USP32: variants seen among roughly 807,000 people sequenced by gnomAD.
USP32 encodes ubiquitin specific peptidase 32.
Under a neutral mutation model 204.8 loss-of-function variants are expected in USP32, and 59 were observed. That is an observed-to-expected ratio of 0.29 (90% CI 0.23 to 0.36). The LOEUF (loss-of-function observed/expected upper bound fraction) is 0.36. USP32 is among the 10% of genes least tolerant of loss of function. The pLI, the probability that USP32 is intolerant of heterozygous loss-of-function variation, is 1.00. For synonymous variants in USP32, 517 were observed against 678.4 expected (o/e 0.76, Z 3.70); for missense variants, 1,160 against 1,946.4 (o/e 0.60, Z 7.60).
At chr17:60,222,599 T>A (rs1309500260) in intron 14 of USP32, 50 bp from the exon 15 acceptor site, 1 of 1,593,796 alleles carries the variant, frequency 6.3e-7, no homozygotes, top group African/African-American at 1.3e-5. Context: ...ACAAAAGTTT[T>A]TGGGTCTCAG....
intron 16 of USP32, 69 bp downstream of exon 16, chr17:60,219,601 G>C (rs547064325): frequency 6.3e-5 from 38 of 601,230 alleles, no homozygotes; most frequent in Admixed American, 2.4e-4. Flanking sequence ...GGAAATGCAT[G>C]GTATTCTTGC....
intron 3 of USP32, among the ~76,000 whole-genome samples, chr17:60,298,411 A>T (rs2087493164): frequency 6.6e-6 from 1 of 152,090 alleles, no homozygotes; most frequent in African/African-American, 2.4e-5. Flanking sequence ...AGATATCATA[A>T]TTTTTTTCAG....
chr17:60,229,382 C>T lies in USP32; in HGVS notation c.1240-3151G>A, dbSNP rs183425927. Among the ~76,000 whole-genome samples, 6 of 152,294 alleles carry T rather than the reference C, an allele frequency of 3.9e-5. No individual in the cohort carries two copies. In the East Asian group the frequency reaches 1.2e-3, roughly 29 times the overall value. ...TAAAGTTCTCTATGTGATCTCACTA[C>T]ATATGCAGCCAGAATTAATAACTAT... On this transcript the variant is annotated intron_variant, in intron 12 of 33. Coordinates refer to ENST00000300896, the MANE Select transcript of USP32 (RefSeq NM_032582.4).
chr17:60,392,114 C>T lies in USP32; in HGVS notation c.-175G>A. 1 of 615,064 alleles carries T rather than the reference C, an allele frequency of 1.6e-6. No homozygotes were observed. The highest frequency in any genetic ancestry group is 2.8e-6 in the Non-Finnish European group (1 of 362,556). The allele number at this position is 615,064 out of a possible 1,614,324, so 38.1% of individuals were successfully genotyped here. A position where few individuals can be genotyped will look rare whatever the true frequency, so the allele number is the denominator to read the frequency against. ...GGCGGCTCCTCCCGGTCGCCGCCACCGCCTCCATGCCGGATCACGTGACTC... is the reference window on the plus strand; with the variant it reads ...GGCGGCTCCTCCCGGTCGCCGCCACTGCCTCCATGCCGGATCACGTGACTC... On this transcript the variant is annotated 5_prime_UTR_variant, in exon 1 of 34. Coordinates refer to ENST00000300896, the MANE Select transcript of USP32 (RefSeq NM_032582.4).
At chr17:60,280,029 T>C (rs1335186537) in intron 5 of USP32, among the ~76,000 whole-genome samples, 3 of 151,988 alleles carry the variant, frequency 2.0e-5, no homozygotes, top group Non-Finnish European at 4.4e-5. Context: ...GTTTGGAATT[T>C]ACACTTCAGA....
At chr17:60,213,052 C>A (rs1221546266) in intron 18 of USP32, among the ~76,000 whole-genome samples, 1 of 152,172 alleles carries the variant, frequency 6.6e-6, no homozygotes, top group Non-Finnish European at 1.5e-5. Flanking sequence ...TGCGCCCGGC[C>A]TATTCATTTT....
intron 4 of USP32, 39 bp downstream of exon 4, chr17:60,294,644 G>T: frequency 7.4e-7 from 1 of 1,358,534 alleles, no homozygotes; most frequent in Non-Finnish European, 1.0e-6. Flanking sequence ...TTAATACTTT[G>T]TCAATGAAAA....
intron 3 of USP32, 148 bp downstream of exon 3, chr17:60,301,451 T>C: frequency 1.9e-6 from 1 of 521,166 alleles, no homozygotes; most frequent in East Asian, 3.6e-5. Context: ...AATGACTAAT[T>C]ATGTTGCACA....
At chr17:60,247,735 G>A (rs1198465597) in intron 11 of USP32, among the ~76,000 whole-genome samples, 1 of 151,970 alleles carries the variant, frequency 6.6e-6, no homozygotes, top group Non-Finnish European at 1.5e-5. Flanking sequence ...CCAGGCTGGA[G>A]TGCAGTGGCG....
chr17:60,359,687 CAGCTACTCAGGAGCTGGG>C (rs201301145), intron 1 of USP32, among the ~76,000 whole-genome samples: 2,691 of 152,114 alleles, frequency 0.018, 33 homozygotes, highest in Non-Finnish European at 0.024. Flanking sequence ...GCACCTGTAC[CAGCTACTCAGGAGCTGGG>C]AGCTACTCAG....
chr17:60,391,797 C>G, intron 1 of USP32, 85 bp downstream of exon 1: 1 of 1,480,040 alleles, frequency 6.8e-7, no homozygotes, highest in South Asian at 1.2e-5. Context: ...CGCCCTCAAT[C>G]TCCCCTCTCC....
intron 2 of USP32, among the ~76,000 whole-genome samples, chr17:60,316,383 G>A (rs766399049): frequency 1.3e-5 from 2 of 152,122 alleles, no homozygotes; most frequent in Non-Finnish European, 2.9e-5. Flanking sequence ...ATCAGGTATA[G>A]GGAGTTTTTC....
chr17:60,413,075 T>C (rs1367288986), intron 1 of USP32, among the ~76,000 whole-genome samples: 1 of 151,812 alleles, frequency 6.6e-6, no homozygotes, highest in Non-Finnish European at 1.5e-5. Flanking sequence ...CAACCAGGGG[T>C]CTATTAAATG....
intron 29 of USP32, chr17:60,186,034 C>CAG (rs1415225285): frequency 6.2e-6 from 1 of 161,838 alleles, no homozygotes; most frequent in African/African-American, 2.4e-5. Flanking sequence ...GCCTGGATGA[C>CAG]AGAGAGAGAC....
At chr17:60,287,233 C>T (rs895133966) in intron 5 of USP32, among the ~76,000 whole-genome samples, 8 of 152,148 alleles carry the variant, frequency 5.3e-5, no homozygotes, top group Non-Finnish European at 7.3e-5. Flanking sequence ...TTCTGCTGAC[C>T]TCAAATTTTT....
chr17:60,203,455 T>C (rs1472779731), intron 26 of USP32, among the ~76,000 whole-genome samples: 1 of 151,512 alleles, frequency 6.6e-6, no homozygotes, highest in African/African-American at 2.4e-5. Flanking sequence ...CCACCAAATT[T>C]GTGGTAATTT....
chr17:60,359,658 A>T (rs1046777918), intron 1 of USP32, among the ~76,000 whole-genome samples: 5 of 152,004 alleles, frequency 3.3e-5, no homozygotes, highest in Admixed American at 6.6e-5. Context: ...AAAAAGCAAA[A>T]ATATTAGCAT....
intron 11 of USP32, among the ~76,000 whole-genome samples, chr17:60,243,636 T>C (rs545533146): frequency 6.6e-6 from 1 of 152,318 alleles, no homozygotes; most frequent in East Asian, 1.9e-4. Context: ...CCCTTTTGGT[T>C]TTTTCTAAGC....
chr17:60,204,959 T>C (rs957374686), intron 26 of USP32, among the ~76,000 whole-genome samples: 2 of 150,004 alleles, frequency 1.3e-5, no homozygotes, highest in African/African-American at 2.5e-5. Flanking sequence ...AAGAAGTCTT[T>C]TTTTTTTTTT....
Sources: gnomAD v4.1 joint callset for allele counts (sites outside exome capture counted in the v4.1 genomes callset) on GRCh38, gnomAD v4.1.1 for gene constraint, MANE v1.5 for transcripts, NCBI Gene and HGNC (gene_info 2026-07-23, HGNC 2026-07-21) for gene names.